IQSEC2: variants seen among roughly 807,000 people sequenced by gnomAD.
The protein encoded by IQSEC2 is IQ motif and Sec7 domain ArfGEF 2.
A neutral mutation model predicts 74.6 loss-of-function variants in IQSEC2; 6 were observed. That is an observed-to-expected ratio of 0.08 (90% CI 0.04 to 0.16). The LOEUF (loss-of-function observed/expected upper bound fraction) is 0.16, where lower values mean the gene tolerates loss of function less well. Among genes scored for constraint, IQSEC2 ranks in the 10% least tolerant of loss-of-function variants. The pLI is 1.00. For missense variants in IQSEC2, 734 were observed against 1,306.2 expected, an observed-to-expected ratio of 0.56 and a Z score of 6.75; for synonymous variants, 494 against 544.5, an observed-to-expected ratio of 0.91 and a Z score of 1.29.
downstream of IQSEC2, among the ~76,000 whole-genome samples, chrX:53,228,637 A>G (rs1394515210): frequency 3.6e-5 from 4 of 111,852 alleles, no homozygotes; most frequent in African/African-American, 1.3e-4. Context: ...TTTGGTTTGT[A>G]AAATATGATC....
At chrX:53,239,017 G>A (rs1330076510) in intron 11 of IQSEC2, among the ~76,000 whole-genome samples, 178 bp downstream of exon 11, 1 of 111,116 alleles carries the variant, frequency 9.0e-6, no homozygotes, top group Non-Finnish European at 1.9e-5. Context: ...CTAACCAGGG[G>A]CTAGACCCAA....
intron 2 of IQSEC2, chrX:53,266,767 G>A: frequency 2.0e-6 from 2 of 1,010,791 alleles, no homozygotes; most frequent in East Asian, 8.3e-5. Flanking sequence ...TTCAGGGGCT[G>A]GAGTCCAGAG....
At chrX:53,235,383 G>A (rs1424593060) in intron 14 of IQSEC2, among the ~76,000 whole-genome samples, 199 bp from the exon 15 acceptor site, 1 of 111,694 alleles carries the variant, frequency 9.0e-6, no homozygotes, top group Admixed American at 9.5e-5. Flanking sequence ...TATCTCAGCT[G>A]AGCCTCAGCT....
intron 2 of IQSEC2, among the ~76,000 whole-genome samples, chrX:53,278,294 G>A (rs1254035983): frequency 2.7e-5 from 3 of 111,305 alleles, no homozygotes; most frequent in Non-Finnish European, 3.8e-5. Flanking sequence ...ACAGGCGTGA[G>A]CCACTGCGCC....
intron 7 of IQSEC2, among the ~76,000 whole-genome samples, chrX:53,247,467 G>A (rs782507314): frequency 9.3e-4 from 104 of 112,128 alleles, no homozygotes; most frequent in Non-Finnish European, 1.7e-3. Flanking sequence ...GGTAAATGGT[G>A]AAGCCAGGAT....
intron 9 of IQSEC2, among the ~76,000 whole-genome samples, chrX:53,243,036 C>G (rs2074248511): frequency 8.9e-6 from 1 of 112,419 alleles, no homozygotes; most frequent in Non-Finnish European, 1.9e-5. Flanking sequence ...TTGTACCTGG[C>G]CTAAAGTGTG....
intron 2 of IQSEC2, among the ~76,000 whole-genome samples, chrX:53,259,188 C>CA (rs56394985): frequency 0.014 from 432 of 31,603 alleles, no homozygotes; most frequent in East Asian, 0.018. Context: ...AGACTGTCTC[C>CA]AAAAAAAAAA....
intron 1 of IQSEC2, among the ~76,000 whole-genome samples, chrX:53,300,295 G>A (rs1556875208): frequency 9.0e-6 from 1 of 111,587 alleles, no homozygotes. Context: ...AACTCATTGT[G>A]TTTAACAGGA....
intron 2 of IQSEC2, among the ~76,000 whole-genome samples, chrX:53,257,741 TA>T (rs1423303472): frequency 1.8e-5 from 2 of 112,352 alleles, no homozygotes; most frequent in Non-Finnish European, 3.8e-5. Context: ...CTAATATTTA[TA>T]GACCATTTAG....
intron 2 of IQSEC2, among the ~76,000 whole-genome samples, chrX:53,262,486 C>T (rs782465975): frequency 9.0e-5 from 10 of 111,729 alleles, no homozygotes; most frequent in Non-Finnish European, 1.3e-4. Context: ...GGGAACGGGA[C>T]GGACTGGAAG....
chrX:53,237,856 G>T, intron 12 of IQSEC2: 1 of 353,714 alleles, frequency 2.8e-6, no homozygotes, highest in Non-Finnish European at 5.0e-6. Flanking sequence ...GTATACCTGG[G>T]ATCTAAAACT....
chrX:53,235,345 G>A (rs1294473443), intron 14 of IQSEC2, among the ~76,000 whole-genome samples, 161 bp from the exon 15 acceptor site: 1 of 111,582 alleles, frequency 9.0e-6, no homozygotes, highest in Non-Finnish European at 1.9e-5. Context: ...GAGCTCCCCA[G>A]CTTGCAAAGC....
At chrX:53,281,363 C>T in intron 2 of IQSEC2, 2 of 401,750 alleles carry the variant, frequency 5.0e-6, no homozygotes, top group East Asian at 4.2e-5. Context: ...TCCCCCAGGC[C>T]AAAGGCCTCT....
Position 53,255,890 on chromosome X carries a change from G to A in IQSEC2, c.909C>T (p.Val303=), listed in dbSNP as rs781821475. 2.4e-5 allele frequency: 29 copies of A among 1,209,202 alleles called. No homozygotes were observed. Among genetic ancestry groups the A allele is most frequent in the Non-Finnish European group, 3.1e-5 (28 of 894,567 alleles). The part of the protein sequence containing the change: ...AQRARLQPAS[V]ALRKQEEEEI... ...CCTCCTCCTCCTGCTTCCTCAGGGC[G>A]ACACTGGCTGGCTGGAGGCGTGCCC... The change falls in exon 3 of 15, where the codon GTC becomes GTT. Residue 303 remains valine (V), a synonymous_variant. Transcript: ENST00000642864.
chrX:53,240,526 G>A (rs1483762784), intron 10 of IQSEC2, among the ~76,000 whole-genome samples: 2 of 112,375 alleles, frequency 1.8e-5, no homozygotes, highest in Non-Finnish European at 3.8e-5. Flanking sequence ...TGATGCCAAG[G>A]GTTGAGTGCA....
At chrX:53,286,421 G>T (rs1417563814) in intron 2 of IQSEC2, among the ~76,000 whole-genome samples, 1 of 112,122 alleles carries the variant, frequency 8.9e-6, no homozygotes, top group Non-Finnish European at 1.9e-5. Flanking sequence ...GAAGAAACAA[G>T]AAGTACCAAG....
Position 53,291,875 on chromosome X carries a change from T to C in IQSEC2, c.737+20A>G. On this transcript the variant is annotated intron_variant, in intron 2 of 14. Coordinates refer to ENST00000642864, the MANE Select transcript of IQSEC2 (RefSeq NM_001111125.3). ...CCCTGCCCCATCTCCCAACTAGTAC[T>C]AAAGAAAGGAGGTACTGACCTGACT... 1 of 1,156,553 alleles carries C rather than the reference T, an allele frequency of 8.6e-7. No individual in the cohort carries two copies. The highest frequency in any genetic ancestry group is 1.2e-6 in the Non-Finnish European group (1 of 864,700).
chrX:53,302,665 C>T (rs987600365), intron 1 of IQSEC2, among the ~76,000 whole-genome samples: 2 of 112,140 alleles, frequency 1.8e-5, no homozygotes, highest in East Asian at 2.8e-4. Flanking sequence ...GGGCCAGGCA[C>T]GGCGGCTCAT....
downstream of IQSEC2, chrX:53,230,493 C>T (rs1211840215): frequency 1.8e-5 from 2 of 113,094 alleles, no homozygotes; most frequent in African/African-American, 3.2e-5. Context: ...TACTGAACAG[C>T]ACAGGTATGG....
Sources: allele counts gnomAD v4.1 joint callset (sites outside exome capture counted in the v4.1 genomes callset), GRCh38; gene constraint gnomAD v4.1.1; transcripts MANE v1.5; gene names NCBI Gene and HGNC (gene_info 2026-07-23, HGNC 2026-07-21).